Variants in F8 observed in about 807,000 individuals in gnomAD.
The protein encoded by F8 is coagulation factor VIII.
F8 carries 12 observed loss-of-function variants against 140.6 expected under a neutral mutation model. That is an observed-to-expected ratio of 0.09 (90% confidence interval 0.05 to 0.14). F8 has a LOEUF of 0.14. Among genes scored for constraint, F8 ranks in the 10% least tolerant of loss-of-function variants. The pLI is 1.00. For missense variants in F8, 1,354 were observed against 1,720.7 expected, an observed-to-expected ratio of 0.79 and a Z score of 3.77; for synonymous variants, 585 against 614.6, an observed-to-expected ratio of 0.95 and a Z score of 0.71.
chrX:154,923,115 G>GGT (rs1274115022), intron 14 of F8, among the ~76,000 whole-genome samples: 3 of 110,431 alleles, frequency 2.7e-5, no homozygotes, highest in Non-Finnish European at 3.8e-5. Context: ...AAGAGGCTGG[G>GGT]GTGTGTGTGT....
At position 154,928,586 on chromosome X, in the gene F8, T is replaced by C; in HGVS notation, c.5204A>G (p.His1735Arg). The change falls in exon 14 of 26, where the codon CAT (histidine) becomes CGT (arginine). Residue 1735 changes from histidine (H) to arginine (R), a missense_variant. By Grantham distance (29) the His-to-Arg change is conservative. Transcript: ENST00000360256. ...GCATTCATACCTGTTTCTTAGAACATGTGGGGAGCTACTCATCCCATAATC... is the reference window on the plus strand; with the variant it reads ...GCATTCATACCTGTTTCTTAGAACACGTGGGGAGCTACTCATCCCATAATC... ...LWDYGMSSSP[H>R]VLRNRAQSGS... is the part of the protein sequence containing the mutation. The C allele has an allele frequency of 8.3e-7, 1 of 1,208,739 alleles. No homozygotes were observed. The highest frequency in any genetic ancestry group is 2.2e-5 in the Admixed American group (1 of 46,024).
rs370772371 is a variant in F8, at chrX:154,939,586, C to T, written c.2114-7910G>A. ...CCTGCCTCTGTAGGCTCCACCTCTG[C>T]GGGCAGGGCACAGACAAACAAAAGA... On this transcript the variant is annotated intron_variant, in intron 13 of 25. Transcript: ENST00000360256. Among the ~76,000 whole-genome samples, 29 of 112,508 alleles carry T rather than the reference C, an allele frequency of 2.6e-4. No homozygotes were observed. In the East Asian group the frequency reaches 7.6e-3, roughly 29 times the overall value.
chrX:155,008,954 A>C (rs932172647), intron 1 of F8, among the ~76,000 whole-genome samples: 1 of 111,573 alleles, frequency 9.0e-6, no homozygotes, highest in African/African-American at 3.3e-5. Flanking sequence ...CCTACCCGGC[A>C]GCGCGCTTCT....
At chrX:154,862,152 G>A (rs182627000) in intron 23 of F8, among the ~76,000 whole-genome samples, 394 of 110,495 alleles carry the variant, frequency 3.6e-3, no homozygotes, top group African/African-American at 0.012. Flanking sequence ...TCAGCCTCCC[G>A]AGTAGCTGGG....
intron 1 of F8, among the ~76,000 whole-genome samples, chrX:155,006,123 A>C (rs1452273201): frequency 8.9e-6 from 1 of 112,559 alleles, no homozygotes; most frequent in Non-Finnish European, 1.9e-5. Flanking sequence ...TCAGTATGTG[A>C]ACAATGTTGG....
intron 14 of F8, among the ~76,000 whole-genome samples, chrX:154,910,477 TG>T (rs2073060333): frequency 9.0e-6 from 1 of 110,775 alleles, no homozygotes; most frequent in African/African-American, 3.3e-5. Context: ...GACGAGTTAG[TG>T]GGTGCAGCAC....
In F8 at chrX:154,903,922, C is replaced by T; in HGVS notation, c.5982G>A (p.Leu1994=). The part of the protein sequence containing the change: ...VRKKEEYKMA[L]YNLYPGVFET... Reference sequence around the variant, plus strand: ...AGCTCATACCTGGATAGAGATTGTACAGTGCCATTTTATACTCCTCTTTTT... The same window carrying T: ...AGCTCATACCTGGATAGAGATTGTATAGTGCCATTTTATACTCCTCTTTTT... The change falls in exon 18 of 26, where the codon CTG becomes CTA. Residue 1994 remains leucine, a synonymous_variant. Transcript: ENST00000360256. 8.3e-7 allele frequency: 1 copy of T among 1,209,221 alleles called. No individual in the cohort carries two copies. Among genetic ancestry groups the T allele is most frequent in the Non-Finnish European group, 1.1e-6 (1 of 893,454 alleles).
At chrX:154,908,393 T>C (rs782336195) in intron 14 of F8, among the ~76,000 whole-genome samples, 7 of 112,423 alleles carry the variant, frequency 6.2e-5, no homozygotes, top group Non-Finnish European at 1.1e-4. Flanking sequence ...TCTCATCTTA[T>C]TCTTCCTCTT....
chrX:154,855,127 A>T (rs2072642702), intron 25 of F8, among the ~76,000 whole-genome samples: 1 of 111,964 alleles, frequency 8.9e-6, no homozygotes, highest in Admixed American at 9.4e-5. Flanking sequence ...CTCAAAAAAT[A>T]TGTATATGCA....
At chrX:154,982,117 G>A (rs1049284586) in intron 6 of F8, among the ~76,000 whole-genome samples, 4 of 109,152 alleles carry the variant, frequency 3.7e-5, no homozygotes, top group African/African-American at 1.3e-4. Context: ...CCAAGAGGGG[G>A]AAGTTGCAGT....
intron 13 of F8, among the ~76,000 whole-genome samples, chrX:154,939,220 C>T (rs985947348): frequency 1.9e-4 from 21 of 111,928 alleles, no homozygotes; most frequent in African/African-American, 5.2e-4. Context: ...GGCGAGGCAT[C>T]GCCTCACCCA....
chrX:154,999,642 T>C (rs782153069), intron 1 of F8, 42 bp from the exon 2 acceptor site: 1 of 1,184,883 alleles, frequency 8.4e-7, no homozygotes, highest in East Asian at 3.1e-5. Flanking sequence ...TGGTGGACAC[T>C]TCAAAAAGCA....
intron 13 of F8, among the ~76,000 whole-genome samples, chrX:154,946,445 T>G (rs1167030158): frequency 2.7e-5 from 3 of 112,273 alleles, no homozygotes; most frequent in Non-Finnish European, 3.8e-5. Flanking sequence ...AACTCACCTT[T>G]GACAAAGTGC....
chrX:154,855,829 G>A (rs1256811055), intron 25 of F8, among the ~76,000 whole-genome samples: 2 of 111,139 alleles, frequency 1.8e-5, no homozygotes, highest in Non-Finnish European at 3.8e-5. Flanking sequence ...GTATGAAGGT[G>A]ACCCATGACA....
At chrX:154,844,188 C>T (rs1342246836) in intron 25 of F8, among the ~76,000 whole-genome samples, 1 of 111,930 alleles carries the variant, frequency 8.9e-6, no homozygotes, top group Non-Finnish European at 1.9e-5. Flanking sequence ...GTTTTGGTTA[C>T]TGTAGCCGTG....
intron 1 of F8, among the ~76,000 whole-genome samples, chrX:155,009,612 G>A (rs1282551062): frequency 6.3e-5 from 7 of 110,511 alleles, no homozygotes; most frequent in Non-Finnish European, 1.1e-4. Flanking sequence ...GGGCATGCCT[G>A]TAATGCCAGC....
chrX:154,865,272 T>C (rs1557273087), intron 22 of F8, among the ~76,000 whole-genome samples: 1 of 110,718 alleles, frequency 9.0e-6, no homozygotes, highest in African/African-American at 3.3e-5. Flanking sequence ...ATAAAGCCTT[T>C]CTCAAACAAA....
chrX:154,997,365 C>T (rs963287068), intron 2 of F8, among the ~76,000 whole-genome samples: 3 of 112,170 alleles, frequency 2.7e-5, no homozygotes, highest in African/African-American at 9.7e-5. Flanking sequence ...CAGTAGCAAA[C>T]AAGACAGATA....
rs887097743 is a variant in F8, at chrX:154,839,448, C to T, written c.6901-1696G>A. 2.3e-4 allele frequency among the ~76,000 whole-genome samples: 25 copies of T among 107,875 alleles called. No homozygotes were observed. In the East Asian group the frequency reaches 5.1e-3, roughly 22 times the overall value. The allele number at this position is 107,875 out of a possible 115,157, so 93.7% of individuals were successfully genotyped here. On this transcript the variant is annotated intron_variant, in intron 25 of 25. Coordinates refer to ENST00000360256, the MANE Select transcript of F8 (RefSeq NM_000132.4). ...CACCATCTCGGCTCACTGCAAGCTC[C>T]GCCTCCCGGGTTCACGCCATTCTCC...
Sources: allele counts gnomAD v4.1 joint callset (sites outside exome capture counted in the v4.1 genomes callset), GRCh38; gene constraint gnomAD v4.1.1; transcripts MANE v1.5; gene names NCBI Gene and HGNC (gene_info 2026-07-23, HGNC 2026-07-21).